The following PTBP3 variants were observed in gnomAD, a reference collection of about 807,000 sequenced individuals.
PTBP3 encodes polypyrimidine tract-binding protein 3.
PTBP3 carries 20 observed loss-of-function variants against 58.7 expected under a neutral mutation model. The ratio of observed to expected loss-of-function variants is 0.34; its 90% CI spans 0.24 to 0.50. The LOEUF is 0.50. Among genes scored for constraint, PTBP3 ranks in the 20% least tolerant of loss-of-function variants. The probability of loss-of-function intolerance (pLI) is 0.98; values close to 1 mark genes in which losing one functional copy is unlikely to be tolerated. For synonymous variants in PTBP3, 185 were observed against 219.8 expected, an observed-to-expected ratio of 0.84 and a Z score of 1.40; for missense variants, 509 against 637.2, an observed-to-expected ratio of 0.80 and a Z score of 2.17.
rs1834739807 is a variant in PTBP3 at position 112,219,738 on chromosome 9, A to T, written c.*4113T>A. 6.5e-6 allele frequency: 1 copy of T among 152,890 alleles called. No homozygotes were observed. The highest frequency in any genetic ancestry group is 2.1e-4 in the South Asian group (1 of 4,836). The allele number at this position is 152,890 out of a possible 1,614,324, so 9.5% of individuals were successfully genotyped here. A position where few individuals can be genotyped will look rare whatever the true frequency, so the allele number is the denominator to read the frequency against. On this transcript the variant is annotated 3_prime_UTR_variant, in exon 14 of 14. Coordinates refer to ENST00000374257, the MANE Select transcript of PTBP3 (RefSeq NM_001163788.4). ...AAAACCAGAATACTGATACTACTTT[A>T]GTCTCAAATAGGAAGAAAAGGTCAA...
chr9:112,308,351 TAA>T lies in PTBP3; in HGVS notation c.-51-10437_-51-10436del, dbSNP rs58071863. 3.4e-3 allele frequency among the ~76,000 whole-genome samples: 458 copies of T among 134,698 alleles called. 2 individuals are homozygous for T. The highest frequency in any genetic ancestry group is 0.012 in the African/African-American group (429 of 36,754). 88.4% of individuals were successfully genotyped at this position (134,698 alleles called of 152,430 possible). On this transcript the variant is annotated intron_variant, in intron 1 of 13. Coordinates refer to ENST00000374257, the MANE Select transcript of PTBP3 (RefSeq NM_001163788.4). Reference sequence around the variant, plus strand: ...CAATGTTAAACCTACTCCTTTTATTTAAAAAAAAAAAAAAAAAAAAAAAAAAA... The same window carrying T: ...CAATGTTAAACCTACTCCTTTTATTTAAAAAAAAAAAAAAAAAAAAAAAAA...
chr9:112,287,334 G>GTTT (rs34426952), intron 2 of PTBP3, among the ~76,000 whole-genome samples: 2,659 of 95,754 alleles, frequency 0.028, 214 homozygotes, highest in South Asian at 0.062. Context: ...TTCTTTTTCA[G>GTTT]TTTTTTGTTT....
At chr9:112,259,413 C>T (rs76892330) in intron 5 of PTBP3, among the ~76,000 whole-genome samples, 438 of 152,294 alleles carry the variant, frequency 2.9e-3, no homozygotes, top group African/African-American at 0.01. Flanking sequence ...TCGCATAGGG[C>T]TTTCTTACTC....
rs1834718290 is a variant in PTBP3, at chr9:112,219,086, GCT to G, written c.*4763_*4764del. ...GCAGTAGAAATTGAAAGTAAAGGCCGCTCTGCACTGGTTCTTCTTTCAGAAAG... is the reference window on the plus strand; with the variant it reads ...GCAGTAGAAATTGAAAGTAAAGGCCGCTGCACTGGTTCTTCTTTCAGAAAG... On this transcript the variant is annotated 3_prime_UTR_variant, in exon 14 of 14. Coordinates refer to ENST00000374257, the MANE Select transcript of PTBP3 (RefSeq NM_001163788.4). The G allele has an allele frequency of 6.6e-6, 1 of 152,586 alleles. No individual in the cohort carries two copies. Among genetic ancestry groups the G allele is most frequent in the African/African-American group, 2.4e-5 (1 of 41,406 alleles). The allele number at this position is 152,586 out of a possible 1,614,324, so 9.5% of individuals were successfully genotyped here.
At chr9:112,320,302 ATATATATATATAT>A (rs1338478563) in intron 1 of PTBP3, among the ~76,000 whole-genome samples, 939 of 55,326 alleles carry the variant, frequency 0.017, 51 homozygotes, top group African/African-American at 0.1. Context: ...ATATATATAT[ATATATATATATAT>A]TTTTTTTTAA....
chr9:112,283,973 A>T (rs1210248482), intron 2 of PTBP3, among the ~76,000 whole-genome samples: 8 of 152,246 alleles, frequency 5.3e-5, no homozygotes, highest in African/African-American at 1.9e-4. Context: ...GCAGAAGACA[A>T]GAGTTGAATT....
intron 8 of PTBP3, among the ~76,000 whole-genome samples, 187 bp downstream of exon 8, chr9:112,234,633 C>T (rs1835371923): frequency 6.6e-6 from 1 of 152,062 alleles, no homozygotes; most frequent in Non-Finnish European, 1.5e-5. Context: ...AAAAATAGGA[C>T]CAGAGAGAAT....
At chr9:112,287,744 T>A (rs1244954492) in intron 2 of PTBP3, among the ~76,000 whole-genome samples, 1 of 152,232 alleles carries the variant, frequency 6.6e-6, no homozygotes, top group Non-Finnish European at 1.5e-5. Flanking sequence ...ATCATGTATT[T>A]TTTTCAGGTG....
Position 112,310,832 on chromosome 9 carries a change from T to C in PTBP3, c.-51-12916A>G, listed in dbSNP as rs558385403. 1.1e-4 allele frequency among the ~76,000 whole-genome samples: 16 copies of C among 152,288 alleles called. 2 individuals are homozygous for C. In the South Asian group the frequency reaches 2.5e-3, roughly 24 times the overall value. On this transcript the variant is annotated intron_variant, in intron 1 of 13. Transcript: ENST00000374257. ...AAGTAGTAAGGAGTAAGCATGTAGA[T>C]ATCTGAGGGAAGAATGTTGTAGGTA...
intron 5 of PTBP3, among the ~76,000 whole-genome samples, chr9:112,261,192 A>G (rs1836580004): frequency 6.6e-6 from 1 of 152,230 alleles, no homozygotes; most frequent in Admixed American, 6.5e-5. Context: ...ACCCTTTCAG[A>G]GAGCAACCGT....
intron 2 of PTBP3, among the ~76,000 whole-genome samples, chr9:112,292,350 C>T (rs1375959017): frequency 6.6e-6 from 1 of 152,138 alleles, no homozygotes; most frequent in Non-Finnish European, 1.5e-5. Context: ...GGTGCAGCCA[C>T]TATGAAACAC....
At chr9:112,296,089 G>A (rs1433289580) in intron 2 of PTBP3, among the ~76,000 whole-genome samples, 1 of 152,200 alleles carries the variant, frequency 6.6e-6, no homozygotes, top group South Asian at 2.1e-4. Context: ...TGGCCCAAGA[G>A]AATTCTTCCA....
In PTBP3 at chr9:112,222,487, T is replaced by C; in HGVS notation, c.*1364A>G. Reference sequence around the variant, plus strand: ...TTCTGATGGGTGAAAAAGATGAAACTGAGATTGCACTCTACAGCCCCAAAT... The same window carrying C: ...TTCTGATGGGTGAAAAAGATGAAACCGAGATTGCACTCTACAGCCCCAAAT... On this transcript the variant is annotated 3_prime_UTR_variant, in exon 14 of 14. Coordinates refer to ENST00000374257, the MANE Select transcript of PTBP3 (RefSeq NM_001163788.4). 1.0e-6 allele frequency: 1 copy of C among 985,530 alleles called. No homozygotes were observed. Among genetic ancestry groups the C allele is most frequent in the Non-Finnish European group, 1.2e-6 (1 of 829,908 alleles). 61.0% of individuals were successfully genotyped at this position (985,530 alleles called of 1,614,324 possible).
chr9:112,296,898 A>G (rs1187062503), intron 2 of PTBP3, among the ~76,000 whole-genome samples: 1 of 152,162 alleles, frequency 6.6e-6, no homozygotes, highest in African/African-American at 2.4e-5. Context: ...ATCAATTACT[A>G]TCAATTTTAT....
Position 112,221,691 on chromosome 9 carries a change from C to G in PTBP3, c.*2160G>C. 1 of 985,244 alleles carries G rather than the reference C, an allele frequency of 1.0e-6. No individual in the cohort carries two copies. The allele number at this position is 985,244 out of a possible 1,614,324, so 61.0% of individuals were successfully genotyped here. A position where few individuals can be genotyped will look rare whatever the true frequency, so the allele number is the denominator to read the frequency against. On this transcript the variant is annotated 3_prime_UTR_variant, in exon 14 of 14. Coordinates refer to ENST00000374257, the MANE Select transcript of PTBP3 (RefSeq NM_001163788.4). ...CAACTACATACATGAGTATATCTAT[C>G]TATTCAGCCAAACTGATCCATTTGA...
intron 7 of PTBP3, among the ~76,000 whole-genome samples, chr9:112,244,322 G>A (rs1287831607): frequency 1.1e-5 from 1 of 91,830 alleles, no homozygotes; most frequent in Non-Finnish European, 2.2e-5. Context: ...TCAGGAATAA[G>A]TGCAACAAAA....
upstream of PTBP3, among the ~76,000 whole-genome samples, chr9:112,334,587 A>G (rs1222614063): frequency 6.6e-6 from 1 of 152,184 alleles, no homozygotes; most frequent in Non-Finnish European, 1.5e-5. Context: ...CTGTTAAGCC[A>G]AATTCTTAAC....
chr9:112,230,063 T>C, intron 10 of PTBP3, among the ~76,000 whole-genome samples: 1 of 152,210 alleles, frequency 6.6e-6, no homozygotes, highest in South Asian at 2.1e-4. Flanking sequence ...AAAATTGGAC[T>C]GTGGTGATGG....
At chr9:112,266,823 T>C (rs1175316031) in intron 4 of PTBP3, among the ~76,000 whole-genome samples, 3 of 152,222 alleles carry the variant, frequency 2.0e-5, no homozygotes, top group Non-Finnish European at 4.4e-5. Context: ...TTTTGGTTCT[T>C]TTCTCTTTTA....
Sources: allele counts gnomAD v4.1 joint callset (sites outside exome capture counted in the v4.1 genomes callset), GRCh38; gene constraint gnomAD v4.1.1; transcripts MANE v1.5; gene names NCBI Gene and HGNC (gene_info 2026-07-23, HGNC 2026-07-21).